The following COL5A1 variants were observed in gnomAD, a reference collection of about 807,000 sequenced individuals.
COL5A1 encodes the protein collagen alpha-1(V) chain.
In COL5A1, 16 loss-of-function variants were observed where a neutral mutation model predicts 263.7. The observed-to-expected ratio is 0.06, with a 90% CI of 0.04 to 0.09. COL5A1 has a LOEUF of 0.09. Ranked by LOEUF, COL5A1 falls within the 10% of genes least tolerant of loss-of-function variation. COL5A1 has a pLI of 1.00. For synonymous variants in COL5A1, 1,012 were observed against 1,004.5 expected (o/e 1.01, Z -0.14); for missense variants, 2,036 against 2,540.5 (o/e 0.80, Z 4.27).
Position 134,805,027 on chromosome 9 carries a change from G to T in COL5A1, c.3167G>T (p.Arg1056Leu). The change falls in exon 40 of 66, where the codon CGT (arginine) becomes CTT (leucine). Residue 1056 changes from arginine (R) to leucine (L), a missense_variant. By Grantham distance (102) the Arg-to-Leu change is moderately radical. This residue lies in a region of COL5A1 where 1,078 missense variants were observed against 1,521.4 expected (regional missense o/e 0.71). Coordinates refer to ENST00000371817, the MANE Select transcript of COL5A1 (RefSeq NM_000093.5). ...GGGAAAGATGGCCCTCCAGGATTACGTGGTTTCCCTGGGGACCGAGGGCTT... is the reference window on the plus strand; with the variant it reads ...GGGAAAGATGGCCCTCCAGGATTACTTGGTTTCCCTGGGGACCGAGGGCTT... ...LPGKDGPPGL[R>L]GFPGDRGLPG... 7.4e-6 allele frequency: 12 copies of T among 1,613,980 alleles called. No homozygotes were observed. The highest frequency in any genetic ancestry group is 1.1e-5 in the South Asian group (1 of 91,080).
At chr9:134,679,009 C>A (rs985780829) in intron 1 of COL5A1, among the ~76,000 whole-genome samples, 1 of 152,188 alleles carries the variant, frequency 6.6e-6, no homozygotes, top group Non-Finnish European at 1.5e-5. Flanking sequence ...CCTCTGTTAT[C>A]CGAGATGCCT....
intron 16 of COL5A1, 81 bp from the exon 17 acceptor site, chr9:134,756,684 G>C: frequency 6.8e-7 from 1 of 1,464,356 alleles, no homozygotes. Flanking sequence ...CGCTCAACTT[G>C]GTTTAACGGA....
At chr9:134,769,687 C>T (rs1038576058) in intron 25 of COL5A1, among the ~76,000 whole-genome samples, 2 of 152,038 alleles carry the variant, frequency 1.3e-5, no homozygotes, top group East Asian at 1.9e-4. Context: ...CAGAGCCCTG[C>T]GGGGAGGAAG....
chr9:134,773,330 C>T (rs944779238), intron 26 of COL5A1, among the ~76,000 whole-genome samples: 7 of 151,782 alleles, frequency 4.6e-5, no homozygotes, highest in African/African-American at 1.7e-4. Context: ...TCCCATGCAG[C>T]ACGTCCACCA....
intron 32 of COL5A1, among the ~76,000 whole-genome samples, chr9:134,793,996 C>T (rs1475705556): frequency 6.6e-6 from 1 of 152,200 alleles, no homozygotes; most frequent in African/African-American, 2.4e-5. Flanking sequence ...CTGATGGCCT[C>T]CAGCCATACA....
chr9:134,649,641 T>A, intron 1 of COL5A1: 1 of 417,198 alleles, frequency 2.4e-6, no homozygotes, highest in Non-Finnish European at 4.7e-6. Context: ...CTCAAGGATC[T>A]AGAACCAGAA....
intron 25 of COL5A1, among the ~76,000 whole-genome samples, chr9:134,771,323 T>C (rs1477161568): frequency 6.6e-6 from 1 of 152,174 alleles, no homozygotes; most frequent in East Asian, 1.9e-4. Flanking sequence ...CAGGACACCC[T>C]CTAGTTGGCT....
rs773186449 is a variant in COL5A1 at position 134,753,863 on chromosome 9, G to A, written c.1733G>A (p.Ser578Asn). Reference protein sequence around the residue: ...GRPGPVGPPGSGGLKGEPGDV... With the variant: ...GRPGPVGPPGNGGLKGEPGDV... Reference sequence around the variant, plus strand: ...ATGTCTCCCTAGGGTCCCCCTGGGAGCGGAGGTTTGAAGGGCGAGCCGGGA... The same window carrying A: ...ATGTCTCCCTAGGGTCCCCCTGGGAACGGAGGTTTGAAGGGCGAGCCGGGA... Residue 578 changes from serine (S) to asparagine (N), a missense_variant, in exon 15 of 66, where the codon AGC becomes AAC. Ser to Asn is a conservative substitution (Grantham distance 46). Around this residue, in one of 3 missense-constraint regions of COL5A1, gnomAD observed 1,078 missense variants for 1,521.4 expected, o/e 0.71. Coordinates refer to ENST00000371817, the MANE Select transcript of COL5A1 (RefSeq NM_000093.5). 12 of 1,613,516 alleles carry A rather than the reference G, an allele frequency of 7.4e-6. No homozygotes were observed. Among genetic ancestry groups the A allele is most frequent in the East Asian group, 2.2e-5 (1 of 44,834 alleles).
At chr9:134,815,035 T>G in intron 50 of COL5A1, 131 bp downstream of exon 50, 1 of 679,172 alleles carries the variant, frequency 1.5e-6, no homozygotes, top group Non-Finnish European at 2.5e-6. Flanking sequence ...TTGGGTAAAT[T>G]TTCTAGACAC....
intron 11 of COL5A1, among the ~76,000 whole-genome samples, chr9:134,739,067 C>T (rs1835207551): frequency 1.3e-5 from 2 of 152,228 alleles, no homozygotes; most frequent in African/African-American, 4.8e-5. Flanking sequence ...GCCTCAGGAC[C>T]CTGCAGTTGC....
At chr9:134,756,963 G>A (rs1273844672) in intron 17 of COL5A1, 145 bp downstream of exon 17, 24 of 817,844 alleles carry the variant, frequency 2.9e-5, no homozygotes, top group Non-Finnish European at 2.1e-5. Flanking sequence ...GTGAAGATAG[G>A]GTTGGTGGGT....
chr9:134,828,623 CAT>C (rs886084486), intron 63 of COL5A1, among the ~76,000 whole-genome samples: 2 of 2,664 alleles, frequency 7.5e-4, no homozygotes, highest in African/African-American at 2.9e-3. Flanking sequence ...ACACCACACA[CAT>C]ACCACACACA....
intron 39 of COL5A1, among the ~76,000 whole-genome samples, chr9:134,804,728 C>T (rs970926209): frequency 3.3e-5 from 5 of 152,232 alleles, no homozygotes; most frequent in Non-Finnish European, 7.3e-5. Flanking sequence ...GAAGCCCAAT[C>T]CAACCCAAGT....
At chr9:134,736,820 C>T (rs1193594048) in intron 9 of COL5A1, among the ~76,000 whole-genome samples, 1 of 152,200 alleles carries the variant, frequency 6.6e-6, no homozygotes, top group Non-Finnish European at 1.5e-5. Flanking sequence ...GGGAGGGGGA[C>T]AGGTTCCCAT....
intron 44 of COL5A1, among the ~76,000 whole-genome samples, chr9:134,810,891 C>G (rs940281591): frequency 1.8e-4 from 28 of 152,160 alleles, no homozygotes; most frequent in African/African-American, 6.5e-4. Flanking sequence ...GGTTGGGCTA[C>G]CAGGGCCAAG....
At chr9:134,660,357 C>T (rs757485428) in intron 1 of COL5A1, among the ~76,000 whole-genome samples, 9 of 152,334 alleles carry the variant, frequency 5.9e-5, no homozygotes, top group East Asian at 3.9e-4. Flanking sequence ...AACTCACCTA[C>T]GCCTACTGTA....
At position 134,647,223 on chromosome 9, in the gene COL5A1, C is replaced by A. The variant is rs1831503604; in HGVS notation, c.109+4927C>A. Among the ~76,000 whole-genome samples the A allele has an allele frequency of 6.6e-6, 1 of 152,204 alleles. No homozygotes were observed. Among genetic ancestry groups the A allele is most frequent in the South Asian group, 2.1e-4 (1 of 4,830 alleles). On this transcript the variant is annotated intron_variant, in intron 1 of 65. Transcript: ENST00000371817. This position sits in a 1 kb window ranked among gnomAD's most constrained non-coding sequence, Gnocchi z 5.0. The stretch of plus-strand genomic sequence containing the variant: ...TGCCCGCTTAGCCGGTCTCTGCTGC[C>A]CCTTTGCCTTCCTTGGCCTCGGTTC...
chr9:134,807,874 A>G (rs1010490431), intron 42 of COL5A1, among the ~76,000 whole-genome samples: 1 of 152,228 alleles, frequency 6.6e-6, no homozygotes, highest in African/African-American at 2.4e-5. Flanking sequence ...CTTGGTTCAC[A>G]GTTTCAAGAG....
chr9:134,795,218 G>C (rs765869113), intron 33 of COL5A1, 44 bp from the exon 34 acceptor site: 3 of 1,613,392 alleles, frequency 1.9e-6, no homozygotes, highest in Non-Finnish European at 2.5e-6. Flanking sequence ...CAGTGTCTGT[G>C]TGTCGGGACT....
Sources: gnomAD v4.1 joint callset for allele counts (sites outside exome capture counted in the v4.1 genomes callset) on GRCh38, gnomAD v4.1.1 for gene constraint, gnomAD v4.1.1 regional missense constraint, Gnocchi (gnomAD v3.1) non-coding constraint, MANE v1.5 for transcripts, NCBI Gene and HGNC (gene_info 2026-07-23, HGNC 2026-07-21) for gene names.